Variants in HELB observed in about 807,000 individuals in gnomAD.
HELB encodes DNA 5'-3' helicase B.
In HELB, 96 loss-of-function variants were observed where a neutral mutation model predicts 101.7. That is an observed-to-expected ratio of 0.94 (90% CI 0.80 to 1.12). HELB has a LOEUF of 1.12. Ranked by LOEUF, HELB falls within the 50% of genes most tolerant of loss-of-function variation. The probability of loss-of-function intolerance (pLI) is 0.00; values close to 1 mark genes in which losing one functional copy is unlikely to be tolerated. For missense variants in HELB, 1,210 were observed against 1,291.9 expected (o/e 0.94, Z 0.97); for synonymous variants, 437 against 459.7 (o/e 0.95, Z 0.63).
At chr12:66,306,547 C>T (rs2053478842) in intron 3 of HELB, 33 bp downstream of exon 3, 5 of 1,449,106 alleles carry the variant, frequency 3.5e-6, no homozygotes, top group Middle Eastern at 1.8e-4. Flanking sequence ...ATATAGTAAT[C>T]TTGTGTAAGG....
chr12:66,325,085 C>T lies in HELB; in HGVS notation c.2629C>T (p.Arg877Cys), dbSNP rs141160603. The change falls in exon 11 of 13, where the codon CGC becomes TGC. Residue 877 changes from arginine to cysteine, a missense_variant. This residue lies in a region of HELB where 740 missense variants were observed against 728.8 expected (regional missense o/e 1.02). Coordinates refer to ENST00000247815, the MANE Select transcript of HELB (RefSeq NM_001370285.1). The stretch of plus-strand genomic sequence containing the variant: ...TTTTAAGAAACTAATGAAATATTGT[C>T]GCATAAAACATGCATGGGCAAGAAC... ...VDFKKLMKYCRIKHAWARTIH... is the reference protein window; with the variant it reads ...VDFKKLMKYCCIKHAWARTIH... 202 of 1,613,332 alleles carry T rather than the reference C, an allele frequency of 1.3e-4. No individual in the cohort carries two copies. In the African/African-American group the frequency reaches 2.1e-3, roughly 17 times the overall value.
Position 66,304,736 on chromosome 12 carries a change from A to T in HELB, c.193A>T (p.Ile65Phe). 6.3e-7 allele frequency: 1 copy of T among 1,581,096 alleles called. No individual in the cohort carries two copies. Residue 65 changes from isoleucine (I) to phenylalanine (F), a missense_variant, in exon 2 of 13, where the codon ATT (isoleucine) becomes TTT (phenylalanine). Transcript: ENST00000247815. ...GSLPGCLRVS[I>F]CDENTQETCK... ...TTTTGTTTGTTTTTTTTTAGTTTCT[A>T]TTTGTGATGAAAACACACAAGAGAC...
chr12:66,312,586 A>G (rs2053556892), intron 4 of HELB, among the ~76,000 whole-genome samples: 1 of 152,184 alleles, frequency 6.6e-6, no homozygotes, highest in South Asian at 2.1e-4. Context: ...AGAAGGGGAC[A>G]CCCGAAAGGG....
At chr12:66,336,449 G>A (rs1265855772) in intron 12 of HELB, among the ~76,000 whole-genome samples, 1 of 152,198 alleles carries the variant, frequency 6.6e-6, no homozygotes, top group Non-Finnish European at 1.5e-5. Flanking sequence ...TAATAGAAGT[G>A]TAAGAATTGC....
chr12:66,332,015 C>T (rs968052619), intron 12 of HELB, among the ~76,000 whole-genome samples: 7 of 152,210 alleles, frequency 4.6e-5, no homozygotes, highest in Non-Finnish European at 8.8e-5. Flanking sequence ...ACAGTTCTCA[C>T]TCTCACACTG....
rs757912300 is a variant in HELB at position 66,318,643 on chromosome 12, C to T, written c.2006C>T (p.Ser669Leu). The change falls in exon 7 of 13, where the codon TCA (serine) becomes TTA (leucine). Residue 669 changes from serine (S) to leucine (L), a missense_variant. By Grantham distance (145) the Ser-to-Leu change is moderately radical. Transcript: ENST00000247815. Reference sequence around the variant, plus strand: ...GTGTGTTATCTTTATTCAAGAATCTCAAGACGCCAATTTCCAAAATTTGAT... The same window carrying T: ...GTGTGTTATCTTTATTCAAGAATCTTAAGACGCCAATTTCCAAAATTTGAT... ...QLIVDNATRI[S>L]RRQFPKFDAE... The T allele has an allele frequency of 6.3e-7, 1 of 1,592,256 alleles. No individual in the cohort carries two copies. Among genetic ancestry groups the T allele is most frequent in the South Asian group, 1.2e-5 (1 of 86,544 alleles).
At chr12:66,330,868 T>C (rs1415410860) in intron 11 of HELB, among the ~76,000 whole-genome samples, 2 of 152,020 alleles carry the variant, frequency 1.3e-5, no homozygotes, top group African/African-American at 4.8e-5. Flanking sequence ...TTTCAGTCTT[T>C]TATTAGGAAA....
chr12:66,330,059 C>A (rs1394715932), intron 11 of HELB, among the ~76,000 whole-genome samples: 1 of 152,172 alleles, frequency 6.6e-6, no homozygotes, highest in Non-Finnish European at 1.5e-5. Context: ...GTATTTTTTA[C>A]TTGCCCCATC....
rs1456918984 is a variant in HELB at position 66,324,374 on chromosome 12, A to G, written c.2526+163A>G. 5 of 599,462 alleles carry G rather than the reference A, an allele frequency of 8.3e-6. No individual in the cohort carries two copies. The Admixed American group carries it at 1.2e-4, about 14-fold the overall frequency. The allele number at this position is 599,462 out of a possible 1,614,324, so 37.1% of individuals were successfully genotyped here. On this transcript the variant is annotated intron_variant, in intron 10 of 12. Transcript: ENST00000247815. ...ATCCATGTTTATGAAGGATATGGGT[A>G]GTTATCTGGTAATGTCCTGTCTGGC...
intron 11 of HELB, among the ~76,000 whole-genome samples, chr12:66,330,766 GT>G (rs1416136455): frequency 6.7e-6 from 1 of 149,586 alleles, no homozygotes; most frequent in Non-Finnish European, 1.5e-5. Flanking sequence ...ATATCTATAT[GT>G]TTACCTATTA....
chr12:66,334,472 A>G (rs1333281405), intron 12 of HELB, among the ~76,000 whole-genome samples: 7 of 39,896 alleles, frequency 1.8e-4, no homozygotes, highest in African/African-American at 6.4e-4. Context: ...AAAAAAAAAG[A>G]AAAAAAAAAA....
chr12:66,329,300 G>A (rs1437416308), intron 11 of HELB, among the ~76,000 whole-genome samples: 1 of 152,206 alleles, frequency 6.6e-6, no homozygotes, highest in Non-Finnish European at 1.5e-5. Context: ...CATTCACTCA[G>A]TGAGGCACTG....
intron 1 of HELB, among the ~76,000 whole-genome samples, chr12:66,303,503 C>G (rs2053434465): frequency 6.6e-6 from 1 of 151,880 alleles, no homozygotes; most frequent in Non-Finnish European, 1.5e-5. Context: ...CGTGATGTCG[C>G]ACACCTGTAA....
At chr12:66,321,000 C>T (rs112224996) in intron 7 of HELB, among the ~76,000 whole-genome samples, 2,566 of 152,230 alleles carry the variant, frequency 0.017, 75 homozygotes, top group African/African-American at 0.057. Context: ...ATTCCTGTTC[C>T]GGAAGCCAGG....
At chr12:66,334,066 A>G (rs2053838939) in intron 12 of HELB, among the ~76,000 whole-genome samples, 1 of 152,208 alleles carries the variant, frequency 6.6e-6, no homozygotes, top group South Asian at 2.1e-4. Flanking sequence ...AGGCTGAGGC[A>G]GGAGGATCAC....
chr12:66,312,136 G>T (rs370110488), intron 4 of HELB, among the ~76,000 whole-genome samples: 1 of 152,210 alleles, frequency 6.6e-6, no homozygotes, highest in African/African-American at 2.4e-5. Context: ...CCTTGATAAA[G>T]TGATGTTATC....
chr12:66,302,882 G>A (rs1592627168), intron 1 of HELB, 92 bp downstream of exon 1: 2 of 1,144,048 alleles, frequency 1.7e-6, no homozygotes, highest in East Asian at 5.2e-5. Context: ...ACCCAGTCGT[G>A]CTAACAGATT....
chr12:66,322,647 T>C (rs1291730633), intron 8 of HELB, 77 bp from the exon 9 acceptor site: 1 of 798,816 alleles, frequency 1.3e-6, no homozygotes. Context: ...GAATCTAGTA[T>C]GTCATAATTG....
intron 9 of HELB, 32 bp downstream of exon 9, chr12:66,322,815 G>C: frequency 6.8e-7 from 1 of 1,463,270 alleles, no homozygotes; most frequent in Non-Finnish European, 9.4e-7. Context: ...AACTTTTAAG[G>C]ACAGTCCTTC....
Sources: allele counts gnomAD v4.1 joint callset (sites outside exome capture counted in the v4.1 genomes callset), GRCh38; gene constraint gnomAD v4.1.1; regional missense constraint gnomAD v4.1.1; transcripts MANE v1.5; gene names NCBI Gene and HGNC (gene_info 2026-07-23, HGNC 2026-07-21).